Variants in RGS6 observed in about 807,000 individuals in gnomAD.
RGS6 encodes the protein regulator of G-protein signaling 6.
A neutral mutation model predicts 78.5 loss-of-function variants in RGS6; 30 were observed. That is an observed-to-expected ratio of 0.38 (90% CI 0.29 to 0.52). RGS6 has a LOEUF of 0.52. Ranked by LOEUF, RGS6 falls within the 20% of genes least tolerant of loss-of-function variation. The pLI is 0.85. For synonymous variants in RGS6, 206 were observed against 206.0 expected (o/e 1.00, Z 0.00); for missense variants, 495 against 609.7 (o/e 0.81, Z 1.98).
At chr14:72,257,935 A>C (rs1042017029) in intron 2 of RGS6, among the ~76,000 whole-genome samples, 21 of 152,266 alleles carry the variant, frequency 1.4e-4, no homozygotes, top group African/African-American at 4.6e-4. Context: ...AAAGAAACTA[A>C]GAATAAAAAC....
At chr14:72,418,341 A>G (rs988405345) in intron 3 of RGS6, among the ~76,000 whole-genome samples, 1 of 151,984 alleles carries the variant, frequency 6.6e-6, no homozygotes, top group African/African-American at 2.4e-5. Context: ...TAATTTTTGT[A>G]TTTTTAGTAG....
chr14:72,295,502 A>C (rs550750831), intron 2 of RGS6, among the ~76,000 whole-genome samples: 10 of 152,080 alleles, frequency 6.6e-5, no homozygotes, highest in Non-Finnish European at 1.3e-4. Context: ...TCATCACTGC[A>C]TAGGAGGGAG....
chr14:72,006,334 C>T (rs2084548678), intron 2 of RGS6, among the ~76,000 whole-genome samples: 1 of 152,170 alleles, frequency 6.6e-6, no homozygotes, highest in South Asian at 2.1e-4. Flanking sequence ...AACACTCTTC[C>T]AACAGTCCCT....
At chr14:72,274,693 G>A (rs144658603) in intron 2 of RGS6, among the ~76,000 whole-genome samples, 1 of 152,340 alleles carries the variant, frequency 6.6e-6, no homozygotes, top group Non-Finnish European at 1.5e-5. Context: ...AGTCAGAGAA[G>A]AAGTTGTAAT....
intron 3 of RGS6, among the ~76,000 whole-genome samples, chr14:72,360,030 A>C (rs915850214): frequency 2.6e-5 from 4 of 152,164 alleles, no homozygotes; most frequent in African/African-American, 9.7e-5. Flanking sequence ...TTAGGTCAGA[A>C]CAGGTAGATT....
chr14:72,152,618 G>A (rs1185915745), intron 2 of RGS6, among the ~76,000 whole-genome samples: 1 of 152,142 alleles, frequency 6.6e-6, no homozygotes, highest in Non-Finnish European at 1.5e-5. Flanking sequence ...AGATATGTCA[G>A]GTCAAGTACA....
chr14:71,976,133 A>C (rs1000483779), intron 2 of RGS6, among the ~76,000 whole-genome samples: 1 of 150,772 alleles, frequency 6.6e-6, no homozygotes, highest in African/African-American at 2.4e-5. Context: ...AAACTTATTA[A>C]TCATAATTGT....
the RGS6 span, among the ~76,000 whole-genome samples, chr14:71,919,638 A>G: frequency 1.3e-5 from 2 of 152,204 alleles, no homozygotes; most frequent in Non-Finnish European, 2.9e-5. Flanking sequence ...TAATATATGC[A>G]GCTTCAACTA....
intron 8 of RGS6, among the ~76,000 whole-genome samples, chr14:72,470,411 C>A (rs766706029): frequency 6.6e-6 from 1 of 152,208 alleles, no homozygotes; most frequent in Non-Finnish European, 1.5e-5. Flanking sequence ...CCATTTTACC[C>A]GTTGGACTGG....
intron 2 of RGS6, among the ~76,000 whole-genome samples, chr14:72,206,530 A>G (rs2042750835): frequency 6.6e-6 from 1 of 152,108 alleles, no homozygotes; most frequent in South Asian, 2.1e-4. Flanking sequence ...AGACTGGGCA[A>G]TTTACAAAAG....
chr14:72,491,904 A>T (rs138000142), intron 12 of RGS6, among the ~76,000 whole-genome samples: 1 of 152,290 alleles, frequency 6.6e-6, no homozygotes, highest in African/African-American at 2.4e-5. Context: ...GCACCCCTAG[A>T]TCTCCTGCCC....
chr14:71,993,403 TATA>T (rs1407610710), intron 2 of RGS6, among the ~76,000 whole-genome samples: 1 of 152,224 alleles, frequency 6.6e-6, no homozygotes, highest in Non-Finnish European at 1.5e-5. Flanking sequence ...CCCATACTTT[TATA>T]ATAATAGTAA....
intron 3 of RGS6, among the ~76,000 whole-genome samples, chr14:72,425,428 C>T (rs747736460): frequency 3.9e-5 from 6 of 152,080 alleles, no homozygotes; most frequent in Non-Finnish European, 7.4e-5. Flanking sequence ...CGTGAGCCAC[C>T]GCAGCCGGCC....
At chr14:72,180,300 G>T (rs1160601074) in intron 2 of RGS6, among the ~76,000 whole-genome samples, 1 of 152,172 alleles carries the variant, frequency 6.6e-6, no homozygotes. Context: ...ATCTTGAGTT[G>T]GACTAGACAA....
At chr14:72,080,540 ATT>A (rs907734447) in intron 2 of RGS6, among the ~76,000 whole-genome samples, 25 of 152,044 alleles carry the variant, frequency 1.6e-4, no homozygotes, top group African/African-American at 6.0e-4. Flanking sequence ...CCACTTATCT[ATT>A]TTTTGCTTTT....
At chr14:72,547,662 G>A (rs889788032) in intron 17 of RGS6, among the ~76,000 whole-genome samples, 1 of 152,130 alleles carries the variant, frequency 6.6e-6, no homozygotes, top group Non-Finnish European at 1.5e-5. Context: ...AGACCCTTGG[G>A]TGTTTGCTTA....
Position 72,202,935 on chromosome 14 carries a change from C to T in RGS6, c.85-149160C>T, listed in dbSNP as rs894710932. 4.6e-5 allele frequency among the ~76,000 whole-genome samples: 7 copies of T among 152,174 alleles called. No individual in the cohort carries two copies. The South Asian group carries it at 6.2e-4, about 14-fold the overall frequency. ...TCGCCCAGGCTGGAGTGCAGTGGCGCCATCTCTGCTCACTGCAAGCTCCGC... is the reference window on the plus strand; with the variant it reads ...TCGCCCAGGCTGGAGTGCAGTGGCGTCATCTCTGCTCACTGCAAGCTCCGC... On this transcript the variant is annotated intron_variant, in intron 2 of 17. Coordinates refer to ENST00000553525, the MANE Select transcript of RGS6 (RefSeq NM_001204424.2).
At chr14:72,402,790 G>GTTTTTTTTTTTTTTTTTTTTTTT (rs1167831473) in intron 3 of RGS6, among the ~76,000 whole-genome samples, 5 of 75,800 alleles carry the variant, frequency 6.6e-5, no homozygotes, top group African/African-American at 1.1e-4. Flanking sequence ...TGTTTTTTTG[G>GTTTTTTTTTTTTTTTTTTTTTTT]TTTTTTTTTT....
intron 2 of RGS6, among the ~76,000 whole-genome samples, chr14:72,289,357 C>G (rs892946146): frequency 5.3e-5 from 8 of 151,962 alleles, no homozygotes; most frequent in African/African-American, 1.7e-4. Flanking sequence ...CTCACTCTCT[C>G]TCCCCCTCCC....
Sources: gnomAD v4.1 joint callset for allele counts (sites outside exome capture counted in the v4.1 genomes callset) on GRCh38, gnomAD v4.1.1 for gene constraint, MANE v1.5 for transcripts, NCBI Gene and HGNC (gene_info 2026-07-23, HGNC 2026-07-21) for gene names.